FRAS1: variants seen among roughly 807,000 people sequenced by gnomAD.
The protein encoded by FRAS1 is extracellular matrix organizing protein FRAS1.
In FRAS1, 290 loss-of-function variants were observed where a neutral mutation model predicts 435.2. The ratio of observed to expected loss-of-function variants is 0.67; its 90% CI spans 0.61 to 0.73. The LOEUF (loss-of-function observed/expected upper bound fraction) is 0.73, where lower values mean the gene tolerates loss of function less well. Ranked by LOEUF, FRAS1 falls within the 30% of genes least tolerant of loss-of-function variation. The pLI, the probability that FRAS1 is intolerant of heterozygous loss-of-function variation, is 0.00. For synonymous variants in FRAS1, 1,800 were observed against 1,851.0 expected (o/e 0.97, Z 0.71); for missense variants, 4,860 against 5,001.5 (o/e 0.97, Z 0.85).
chr4:78,272,325 A>G (rs1382800621), intron 9 of FRAS1, among the ~76,000 whole-genome samples: 2 of 152,120 alleles, frequency 1.3e-5, no homozygotes, highest in African/African-American at 2.4e-5. Flanking sequence ...ATGAGATCCC[A>G]TTTGTCAATT....
At position 78,315,620 on chromosome 4, in the gene FRAS1, G is replaced by GGCCCCAGTA. The variant is rs746092077; in HGVS notation, c.1713_1721dup (p.Ser571_Pro573dup). 1 of 1,612,758 alleles carries GGCCCCAGTA rather than the reference G, an allele frequency of 6.2e-7. No homozygotes were observed. Among genetic ancestry groups the GGCCCCAGTA allele is most frequent in the Non-Finnish European group, 8.5e-7 (1 of 1,179,404 alleles). On this transcript the variant is annotated inframe_insertion, in exon 16 of 74. Coordinates refer to ENST00000512123, the MANE Select transcript of FRAS1 (RefSeq NM_025074.7). ...TTGTGACCAATCCTGTGACAGTTGT[G>GGCCCCAGTA]GCCCCAGTAGCCCCAGGTGTCTTAC...
intron 58 of FRAS1, among the ~76,000 whole-genome samples, chr4:78,483,078 T>A (rs1720060969): frequency 6.6e-6 from 1 of 152,228 alleles, no homozygotes; most frequent in African/African-American, 2.4e-5. Context: ...CCCTTACTTT[T>A]GCTTTGAGCA....
At chr4:78,485,445 C>G (rs1489094999) in intron 58 of FRAS1, among the ~76,000 whole-genome samples, 3 of 152,122 alleles carry the variant, frequency 2.0e-5, no homozygotes. Context: ...AATTTTCTTT[C>G]AGAAAAGCTA....
intron 47 of FRAS1, among the ~76,000 whole-genome samples, chr4:78,461,484 G>GTAACATGC (rs1465769009): frequency 1.3e-5 from 2 of 152,082 alleles, no homozygotes; most frequent in Non-Finnish European, 2.9e-5. Flanking sequence ...CAAAATGGGG[G>GTAACATGC]TAACATGCTA....
intron 27 of FRAS1, among the ~76,000 whole-genome samples, chr4:78,382,189 C>G (rs926410911): frequency 6.6e-6 from 1 of 152,074 alleles, no homozygotes. Context: ...AACCTCAGTG[C>G]CACCAAAAAT....
chr4:78,391,022 G>C (rs1029411625), intron 29 of FRAS1, among the ~76,000 whole-genome samples: 1 of 152,224 alleles, frequency 6.6e-6, no homozygotes, highest in African/African-American at 2.4e-5. Flanking sequence ...TAGGAGTTCA[G>C]TACCTTTTTT....
chr4:78,087,510 G>A (rs1288555654), intron 2 of FRAS1, among the ~76,000 whole-genome samples: 1 of 152,184 alleles, frequency 6.6e-6, no homozygotes, highest in African/African-American at 2.4e-5. Flanking sequence ...TGACATGATT[G>A]TATCTGTAGA....
At chr4:78,082,461 C>A (rs1224259808) in intron 2 of FRAS1, among the ~76,000 whole-genome samples, 1 of 152,008 alleles carries the variant, frequency 6.6e-6, no homozygotes, top group African/African-American at 2.4e-5. Flanking sequence ...TTGAGCAAAA[C>A]AACATAAATA....
In FRAS1 at chr4:78,407,174, A is replaced by C. The variant is rs143905796; in HGVS notation, c.4130-489A>C. Among the ~76,000 whole-genome samples, 118 of 152,334 alleles carry C rather than the reference A, an allele frequency of 7.7e-4. 1 individual carries two copies. The Middle Eastern group carries it at 0.024, about 31-fold the overall frequency. The stretch of plus-strand genomic sequence containing the variant: ...GGTCCTAAGAATTTCAGATAAGAGA[A>C]ATTGAACCTGTATTACTATCATTGG... On this transcript the variant is annotated intron_variant, in intron 30 of 73. Coordinates refer to ENST00000512123, the MANE Select transcript of FRAS1 (RefSeq NM_025074.7).
At chr4:78,059,684 T>C (rs929780495) in intron 1 of FRAS1, among the ~76,000 whole-genome samples, 1 of 151,914 alleles carries the variant, frequency 6.6e-6, no homozygotes, top group Non-Finnish European at 1.5e-5. Context: ...CACTCCCGGA[T>C]AGCTCACCAG....
At chr4:78,385,399 C>T (rs1291380939) in intron 28 of FRAS1, among the ~76,000 whole-genome samples, 1 of 151,876 alleles carries the variant, frequency 6.6e-6, no homozygotes, top group Admixed American at 6.6e-5. Flanking sequence ...ATCTTTGGTC[C>T]AAAAATGAAA....
At chr4:78,367,479 A>G (rs945354625) in intron 22 of FRAS1, among the ~76,000 whole-genome samples, 1 of 151,746 alleles carries the variant, frequency 6.6e-6, no homozygotes, top group African/African-American at 2.4e-5. Flanking sequence ...ACCCTCAGAC[A>G]CTAGGGCAAG....
In FRAS1 at chr4:78,493,666, G is replaced by A. The variant is rs1185396733; in HGVS notation, c.8959-3139G>A. ...ACCGGGGCCTGTCTGGGTGGTGGGG[G>A]GCTAGGGGAGGGATAGCATTAGGAG... On this transcript the variant is annotated intron_variant, in intron 59 of 73. Transcript: ENST00000512123. Among the ~76,000 whole-genome samples, 8 of 152,202 alleles carry A rather than the reference G, an allele frequency of 5.3e-5. No homozygotes were observed. The East Asian group carries it at 1.5e-3, about 29-fold the overall frequency.
At position 78,324,679 on chromosome 4, in the gene FRAS1, C is replaced by A. The variant is rs1232431941; in HGVS notation, c.2137+5693C>A. Among the ~76,000 whole-genome samples the A allele has an allele frequency of 5.9e-5, 8 of 136,444 alleles. No homozygotes were observed. In the East Asian group the frequency reaches 1.0e-3, roughly 17 times the overall value. The allele number at this position is 136,444 out of a possible 152,430, so 89.5% of individuals were successfully genotyped here. ...GACATAGTTGCCCAGAACTAATTTA[C>A]TTACTTTCTTTTTATTAAGCTCAGA... On this transcript the variant is annotated intron_variant, in intron 18 of 73. Transcript: ENST00000512123.
chr4:78,187,598 C>CTT (rs962056968), intron 2 of FRAS1, among the ~76,000 whole-genome samples: 3 of 151,120 alleles, frequency 2.0e-5, no homozygotes, highest in Non-Finnish European at 4.4e-5. Context: ...TGTTGCTATC[C>CTT]TTTTTTTTTC....
In FRAS1 at chr4:78,252,452, C is replaced by T. The variant is rs377046630; in HGVS notation, c.370C>T (p.Arg124Ter). ...SVCSCNHGEVRCTPQPCPPLS... is the reference protein window; with the variant it reads ...SVCSCNHGEV ...GTGCTCTTGCAATCATGGGGAAGTC[C>T]GATGTACCCCCCAACCATGCCCACC... Residue 124 changes from arginine to a stop codon, truncating the protein, a stop_gained, in exon 5 of 74, where the codon CGA (arginine) becomes TGA (stop). Transcript: ENST00000512123. LOFTEE classifies it high-confidence loss of function. The T allele has an allele frequency of 4.7e-5, 76 of 1,613,528 alleles. No homozygotes were observed. Among genetic ancestry groups the T allele is most frequent in the Non-Finnish European group, 5.6e-5 (66 of 1,179,800 alleles).
At chr4:78,429,321 C>T (rs1734122915) in intron 36 of FRAS1, 95 bp downstream of exon 36, 7 of 1,439,656 alleles carry the variant, frequency 4.9e-6, no homozygotes, top group Non-Finnish European at 6.4e-6. Flanking sequence ...AAAAAGCAAA[C>T]TCTTCTTCCA....
intron 2 of FRAS1, among the ~76,000 whole-genome samples, chr4:78,183,610 T>C (rs1722138444): frequency 1.3e-5 from 2 of 152,208 alleles, no homozygotes; most frequent in Non-Finnish European, 2.9e-5. Context: ...GGTTTTAAAG[T>C]GTGTCTTCTA....
chr4:78,385,970 A>G (rs1390407701), intron 28 of FRAS1, among the ~76,000 whole-genome samples: 1 of 151,698 alleles, frequency 6.6e-6, no homozygotes, highest in African/African-American at 2.4e-5. Flanking sequence ...ACTGGTTTAG[A>G]TGTTTCTCAG....
Sources: gnomAD v4.1 joint callset for allele counts (sites outside exome capture counted in the v4.1 genomes callset) on GRCh38, gnomAD v4.1.1 for gene constraint, MANE v1.5 for transcripts, NCBI Gene and HGNC (gene_info 2026-07-23, HGNC 2026-07-21) for gene names.